SENP7: variants seen among roughly 807,000 people sequenced by gnomAD.
SENP7 encodes sentrin-specific protease 7.
A neutral mutation model predicts 141.2 loss-of-function variants in SENP7; 64 were observed. That is an observed-to-expected ratio of 0.45 (90% CI 0.37 to 0.56). The LOEUF (loss-of-function observed/expected upper bound fraction) is 0.56, where lower values mean the gene tolerates loss of function less well. Ranked by LOEUF, SENP7 falls within the 20% of genes least tolerant of loss-of-function variation. The probability of loss-of-function intolerance (pLI) is 0.00; values close to 1 mark genes in which losing one functional copy is unlikely to be tolerated. For synonymous variants in SENP7, 382 were observed against 426.4 expected (o/e 0.90, Z 1.28); for missense variants, 1,025 against 1,212.2 (o/e 0.85, Z 2.29).
intron 6 of SENP7, among the ~76,000 whole-genome samples, chr3:101,398,512 TA>T (rs769435606): frequency 2.6e-5 from 4 of 152,018 alleles, no homozygotes; most frequent in Non-Finnish European, 4.4e-5. Flanking sequence ...GGTAGATGGA[TA>T]GATGGACAAA....
At chr3:101,406,460 C>T (rs2061309770) in intron 5 of SENP7, among the ~76,000 whole-genome samples, 1 of 151,632 alleles carries the variant, frequency 6.6e-6, no homozygotes, top group Non-Finnish European at 1.5e-5. Flanking sequence ...GGAAGGATAG[C>T]ATTAGGAGAT....
intron 16 of SENP7, among the ~76,000 whole-genome samples, chr3:101,339,114 G>A (rs1182611242): frequency 6.6e-6 from 1 of 151,992 alleles, no homozygotes; most frequent in Non-Finnish European, 1.5e-5. Context: ...AAAGAAACAT[G>A]GAAGATATAA....
intron 4 of SENP7, among the ~76,000 whole-genome samples, chr3:101,441,419 C>T (rs1260198448): frequency 1.3e-5 from 2 of 152,150 alleles, no homozygotes; most frequent in Non-Finnish European, 2.9e-5. Context: ...ACCCAATCTG[C>T]TGCCACCAGG....
chr3:101,358,154 T>A (rs1352416374), intron 11 of SENP7: 3 of 527,086 alleles, frequency 5.7e-6, no homozygotes, highest in Admixed American at 5.8e-5. Context: ...AGATAATTCA[T>A]ACTGGAGATA....
intron 4 of SENP7, among the ~76,000 whole-genome samples, chr3:101,440,717 G>GA (rs1159771096): frequency 1.3e-5 from 2 of 150,312 alleles, no homozygotes; most frequent in African/African-American, 4.9e-5. Flanking sequence ...GACAGCACAA[G>GA]AAAAAAAACC....
intron 3 of SENP7, among the ~76,000 whole-genome samples, chr3:101,462,654 G>GGCC (rs985621115): frequency 3.3e-5 from 5 of 151,778 alleles, no homozygotes; most frequent in African/African-American, 1.2e-4. Context: ...GATCGCTAGA[G>GGCC]GCCAGGAGTT....
At chr3:101,461,889 G>C (rs1219323098) in intron 3 of SENP7, among the ~76,000 whole-genome samples, 1 of 152,184 alleles carries the variant, frequency 6.6e-6, no homozygotes, top group Non-Finnish European at 1.5e-5. Flanking sequence ...TTTGTGCTAA[G>C]TGAAAGAAGC....
chr3:101,452,195 C>T (rs1359503001), intron 4 of SENP7, among the ~76,000 whole-genome samples: 3 of 152,124 alleles, frequency 2.0e-5, no homozygotes, highest in Admixed American at 6.5e-5. Context: ...CTACAAACCA[C>T]TGCTCAATGA....
intron 11 of SENP7, among the ~76,000 whole-genome samples, chr3:101,361,233 A>G (rs2059893329): frequency 6.7e-6 from 1 of 149,250 alleles, no homozygotes; most frequent in Non-Finnish European, 1.5e-5. Context: ...AAAAAAAAAT[A>G]GAGAACCGAG....
At chr3:101,328,056 C>T (rs1319333041) in intron 22 of SENP7, among the ~76,000 whole-genome samples, 3 of 152,124 alleles carry the variant, frequency 2.0e-5, no homozygotes, top group African/African-American at 7.2e-5. Flanking sequence ...ACTTTCATAA[C>T]TCAACAAAGT....
At position 101,332,120 on chromosome 3, in the gene SENP7, A is replaced by G. The variant is rs1399187244; in HGVS notation, c.2574-11T>C. The G allele has an allele frequency of 6.2e-7, 1 of 1,612,100 alleles. No individual in the cohort carries two copies. ...AGATACCAGTGAGACCTGTTGAAAAAGAACTACAATCTTAATACCATGCAA... is the reference window on the plus strand; with the variant it reads ...AGATACCAGTGAGACCTGTTGAAAAGGAACTACAATCTTAATACCATGCAA... On this transcript the variant is annotated splice_polypyrimidine_tract_variant and intron_variant, in intron 18 of 23. Transcript: ENST00000394095.
intron 17 of SENP7, among the ~76,000 whole-genome samples, chr3:101,336,511 A>T (rs2059188900): frequency 1.3e-5 from 2 of 152,232 alleles, no homozygotes; most frequent in African/African-American, 4.8e-5. Flanking sequence ...ATTAATCTTC[A>T]TTAGACTGCT....
intron 16 of SENP7, 25 bp from the exon 17 acceptor site, chr3:101,337,656 G>A (rs199676176): frequency 6.6e-5 from 99 of 1,494,390 alleles, no homozygotes; most frequent in Non-Finnish European, 8.6e-5. Context: ...CCCCACAAAA[G>A]TAAATTATTT....
intron 4 of SENP7, among the ~76,000 whole-genome samples, chr3:101,429,838 G>A (rs1576323851): frequency 6.6e-6 from 1 of 152,108 alleles, no homozygotes; most frequent in Admixed American, 6.5e-5. Flanking sequence ...GTCATAAATA[G>A]CTCTTATTAT....
intron 5 of SENP7, among the ~76,000 whole-genome samples, chr3:101,404,276 A>G (rs1010106175): frequency 2.0e-5 from 3 of 152,122 alleles, no homozygotes; most frequent in African/African-American, 7.2e-5. Context: ...CACACCTACA[A>G]TTCTGTGATC....
intron 4 of SENP7, among the ~76,000 whole-genome samples, chr3:101,423,506 G>A (rs1044127556): frequency 9.9e-5 from 15 of 152,072 alleles, no homozygotes; most frequent in Non-Finnish European, 1.9e-4. Context: ...TTCTTACAAA[G>A]TTAAAAATGC....
At chr3:101,457,782 G>C (rs2063405544) in intron 4 of SENP7, 2 of 637,478 alleles carry the variant, frequency 3.1e-6, no homozygotes, top group East Asian at 2.7e-5. Context: ...GTGCTAAGAG[G>C]GTCCTGGGTG....
chr3:101,422,355 GT>G (rs1559801263), intron 4 of SENP7, among the ~76,000 whole-genome samples: 1 of 152,190 alleles, frequency 6.6e-6, no homozygotes, highest in Non-Finnish European at 1.5e-5. Context: ...ATTTGCAGGG[GT>G]TGAGAACTTC....
Position 101,325,870 on chromosome 3 carries a change from G to T in SENP7, c.*73C>A. ...CAAGTTATTTTCTTCTCTGTGAGCT[G>T]GCTAACACAAATGCTGGTAAGAGGC... is the stretch of plus-strand genomic sequence containing the variant. On this transcript the variant is annotated 3_prime_UTR_variant, in exon 24 of 24. Transcript: ENST00000394095. 1.4e-6 allele frequency: 2 copies of T among 1,385,942 alleles called. No homozygotes were observed. Among genetic ancestry groups the T allele is most frequent in the Non-Finnish European group, 1.9e-6 (2 of 1,030,618 alleles). 85.9% of individuals were successfully genotyped at this position (1,385,942 alleles called of 1,614,324 possible). A position where few individuals can be genotyped will look rare whatever the true frequency, so the allele number is the denominator to read the frequency against.
Sources: gnomAD v4.1 joint callset for allele counts (sites outside exome capture counted in the v4.1 genomes callset) on GRCh38, gnomAD v4.1.1 for gene constraint, MANE v1.5 for transcripts, NCBI Gene and HGNC (gene_info 2026-07-23, HGNC 2026-07-21) for gene names.